The following VTI1A variants were observed in gnomAD, a reference collection of about 807,000 sequenced individuals.
The protein encoded by VTI1A is vesicle transport through interaction with t-SNAREs homolog 1A.
A neutral mutation model predicts 34.9 loss-of-function variants in VTI1A; 22 were observed. The ratio of observed to expected loss-of-function variants is 0.63; its 90% CI spans 0.45 to 0.90. The LOEUF (loss-of-function observed/expected upper bound fraction) is 0.90. Among genes scored for constraint, VTI1A ranks in the 40% least tolerant of loss-of-function variants. The pLI is 0.00. For synonymous variants in VTI1A, 87 were observed against 97.3 expected, an observed-to-expected ratio of 0.89 and a Z score of 0.62; for missense variants, 268 against 275.6, an observed-to-expected ratio of 0.97 and a Z score of 0.20.
intron 7 of VTI1A, among the ~76,000 whole-genome samples, chr10:112,723,788 A>G (rs1487726742): frequency 6.6e-6 from 1 of 152,246 alleles, no homozygotes; most frequent in Non-Finnish European, 1.5e-5. Flanking sequence ...TGATGAAGGA[A>G]TAATTTGAAG....
downstream of VTI1A, among the ~76,000 whole-genome samples, chr10:112,820,436 G>A (rs1395755901): frequency 6.6e-6 from 1 of 152,234 alleles, no homozygotes; most frequent in Non-Finnish European, 1.5e-5. Context: ...ATATTCTGGT[G>A]GCTTCACTTT....
At chr10:112,795,556 TC>T (rs1465160357) in intron 7 of VTI1A, among the ~76,000 whole-genome samples, 7 of 151,900 alleles carry the variant, frequency 4.6e-5, no homozygotes, top group African/African-American at 1.7e-4. Context: ...TGCCTCAGCT[TC>T]CCAAGTAGCT....
At chr10:112,517,347 G>C (rs943872486) in intron 3 of VTI1A, among the ~76,000 whole-genome samples, 3 of 151,912 alleles carry the variant, frequency 2.0e-5, no homozygotes, top group African/African-American at 4.8e-5. Flanking sequence ...AGTATTGGAC[G>C]ATAACCCAGA....
chr10:112,821,689 A>G (rs940094818), downstream of VTI1A, among the ~76,000 whole-genome samples: 1 of 152,158 alleles, frequency 6.6e-6, no homozygotes, highest in East Asian at 1.9e-4. Flanking sequence ...TCCCATCAGA[A>G]AAGAGGAGCC....
Position 112,668,951 on chromosome 10 carries a change from T to G in VTI1A, c.513T>G (p.Asp171Glu), listed in dbSNP as rs374215067. Residue 171 changes from aspartate to glutamate, a missense_variant, in exon 7 of 8, where the codon GAT becomes GAG. Asp to Glu is a conservative substitution (Grantham distance 45). Coordinates refer to ENST00000393077, the MANE Select transcript of VTI1A (RefSeq NM_145206.4). ...QRARERLRET[D>E]ANLGKSSRIL... is the part of the protein sequence containing the mutation. ...TCTTCTTGTAGCTTCGGGAAACAGA[T>G]GCTAATTTGGGAAAAAGCTCCAGGA... 23 of 1,612,436 alleles carry G rather than the reference T, an allele frequency of 1.4e-5. No individual in the cohort carries two copies. Among genetic ancestry groups the G allele is most frequent in the Non-Finnish European group, 2.0e-5 (23 of 1,178,802 alleles).
intron 3 of VTI1A, among the ~76,000 whole-genome samples, chr10:112,495,973 A>G (rs1418457096): frequency 2.0e-5 from 3 of 152,194 alleles, no homozygotes; most frequent in Non-Finnish European, 2.9e-5. Context: ...ATAAAAAAGT[A>G]TCTATTAGAT....
At chr10:112,606,029 C>CTTTTTTTCT in intron 5 of VTI1A, among the ~76,000 whole-genome samples, 1 of 139,164 alleles carries the variant, frequency 7.2e-6, no homozygotes, top group East Asian at 2.1e-4. Context: ...TTCTTTTTTT[C>CTTTTTTTCT]TTTTTTTTTT....
rs750856310 is a variant in VTI1A, at chr10:112,527,148, A to T, written c.326A>T (p.Asn109Ile). The T allele has an allele frequency of 1.2e-6, 2 of 1,613,442 alleles. No individual in the cohort carries two copies. The highest frequency in any genetic ancestry group is 4.5e-5 in the East Asian group (2 of 44,866). ...AATGAGCTCCTGGGGGATGATGGGAATTCCTCAGAGAACCAGGTAGAATGC... is the reference window on the plus strand; with the variant it reads ...AATGAGCTCCTGGGGGATGATGGGATTTCCTCAGAGAACCAGGTAGAATGC... ...VRNELLGDDGNSSENQRAHLL... is the reference protein window; with the variant it reads ...VRNELLGDDGISSENQRAHLL... Residue 109 changes from asparagine (N) to isoleucine (I), a missense_variant, in exon 4 of 8, where the codon AAT (asparagine) becomes ATT (isoleucine). Physicochemically the swap from Asn to Ile is moderately radical, Grantham distance 149. Coordinates refer to ENST00000393077, the MANE Select transcript of VTI1A (RefSeq NM_145206.4).
chr10:112,560,816 C>CT (rs1473298536), intron 5 of VTI1A, among the ~76,000 whole-genome samples: 2 of 152,120 alleles, frequency 1.3e-5, no homozygotes, highest in East Asian at 3.9e-4. Flanking sequence ...AGGATGGTCT[C>CT]TATCTCTTGA....
Position 112,815,776 on chromosome 10 carries a change from A to G in VTI1A, c.*393A>G. 1 of 277,290 alleles carries G rather than the reference A, an allele frequency of 3.6e-6. No homozygotes were observed. The highest frequency in any genetic ancestry group is 6.9e-6 in the Non-Finnish European group (1 of 144,936). 17.2% of individuals were successfully genotyped at this position (277,290 alleles called of 1,614,324 possible). A position where few individuals can be genotyped will look rare whatever the true frequency, so the allele number is the denominator to read the frequency against. ...TTTGTCACCCGCCTCTTGTTGCTGAAAAGCTCTTCTGTGATGTCTGAGGAT... is the reference window on the plus strand; with the variant it reads ...TTTGTCACCCGCCTCTTGTTGCTGAGAAGCTCTTCTGTGATGTCTGAGGAT... On this transcript the variant is annotated 3_prime_UTR_variant, in exon 8 of 8. Transcript: ENST00000393077.
At chr10:112,621,218 C>T (rs1377938509) in intron 5 of VTI1A, among the ~76,000 whole-genome samples, 3 of 152,168 alleles carry the variant, frequency 2.0e-5, no homozygotes, top group Admixed American at 1.3e-4. Flanking sequence ...CAAAAGATGA[C>T]TTCATGGCCA....
In VTI1A at chr10:112,760,889, C is replaced by CA. The variant is rs10592117; in HGVS notation, c.561-54382dup. On this transcript the variant is annotated intron_variant, in intron 7 of 7. Coordinates refer to ENST00000393077, the MANE Select transcript of VTI1A (RefSeq NM_145206.4). ...GGGTGACAGAGCAAGACTCCATCTC[C>CA]AAAAAAAAAAAAAAAAAAACCAAAA... Among the ~76,000 whole-genome samples, 477 of 93,808 alleles carry CA rather than the reference C, an allele frequency of 5.1e-3. 1 individual carries two copies. The highest frequency in any genetic ancestry group is 0.011 in the Middle Eastern group (2 of 178). 61.5% of individuals were successfully genotyped at this position (93,808 alleles called of 152,430 possible). A position where few individuals can be genotyped will look rare whatever the true frequency, so the allele number is the denominator to read the frequency against.
intron 5 of VTI1A, among the ~76,000 whole-genome samples, chr10:112,636,835 C>G (rs1200750873): frequency 6.6e-6 from 1 of 151,540 alleles, no homozygotes; most frequent in Non-Finnish European, 1.5e-5. Flanking sequence ...ATCAATTATT[C>G]TCTTCCAAAG....
In VTI1A at chr10:112,538,288, T is replaced by TC; in HGVS notation, c.386dup (p.Arg130SerfsTer25). On this transcript the variant is annotated frameshift_variant, in exon 5 of 8. Coordinates refer to ENST00000393077, the MANE Select transcript of VTI1A (RefSeq NM_145206.4). LOFTEE classifies it high-confidence loss of function. ...TAACACAGAGAGGCTGGAAAGGTCATCTCGGAGACTAGAGGCTGGATACCA... is the reference window on the plus strand; with the variant it reads ...TAACACAGAGAGGCTGGAAAGGTCATCCTCGGAGACTAGAGGCTGGATACCA... The TC allele has an allele frequency of 4.3e-6, 7 of 1,613,696 alleles. No homozygotes were observed. Among genetic ancestry groups the TC allele is most frequent in the Non-Finnish European group, 5.9e-6 (7 of 1,179,826 alleles).
At chr10:112,529,475 G>T (rs1479230522) in intron 4 of VTI1A, among the ~76,000 whole-genome samples, 1 of 152,086 alleles carries the variant, frequency 6.6e-6, no homozygotes, top group Non-Finnish European at 1.5e-5. Flanking sequence ...TGTAAAGAAA[G>T]AAAATATTTT....
chr10:112,557,796 C>G (rs576212824), intron 5 of VTI1A, among the ~76,000 whole-genome samples: 1 of 152,258 alleles, frequency 6.6e-6, no homozygotes, highest in East Asian at 1.9e-4. Context: ...AAAATGCCCA[C>G]TGTGTATTTT....
intron 1 of VTI1A, among the ~76,000 whole-genome samples, chr10:112,454,475 AC>A (rs1193462676): frequency 6.6e-6 from 1 of 152,126 alleles, no homozygotes; most frequent in African/African-American, 2.4e-5. Flanking sequence ...AGTGGCACGC[AC>A]CTGTCATCCC....
intron 7 of VTI1A, among the ~76,000 whole-genome samples, chr10:112,754,353 G>C (rs1851207798): frequency 6.6e-6 from 1 of 151,900 alleles, no homozygotes; most frequent in South Asian, 2.1e-4. Flanking sequence ...ACTGACTCCT[G>C]CCCAGCCTGC....
chr10:112,802,015 A>G (rs1011736469), intron 7 of VTI1A, among the ~76,000 whole-genome samples: 1 of 152,236 alleles, frequency 6.6e-6, no homozygotes, highest in Admixed American at 6.5e-5. Flanking sequence ...TGGGAGCCCA[A>G]GGCAGGAGGA....
Sources: allele counts gnomAD v4.1 joint callset (sites outside exome capture counted in the v4.1 genomes callset), GRCh38; gene constraint gnomAD v4.1.1; transcripts MANE v1.5; gene names NCBI Gene and HGNC (gene_info 2026-07-23, HGNC 2026-07-21).